Variants in SYNDIG1 observed in about 807,000 individuals in gnomAD.
SYNDIG1 encodes synapse differentiation inducing 1.
A neutral mutation model predicts 19.4 loss-of-function variants in SYNDIG1; 9 were observed. That is an observed-to-expected ratio of 0.46 (90% CI 0.28 to 0.81). SYNDIG1 has a LOEUF of 0.81. SYNDIG1 is among the 30% of genes least tolerant of loss of function. The pLI, the probability that SYNDIG1 is intolerant of heterozygous loss-of-function variation, is 0.12. For missense variants in SYNDIG1, 311 were observed against 343.3 expected, an observed-to-expected ratio of 0.91 and a Z score of 0.74; for synonymous variants, 141 against 145.9, an observed-to-expected ratio of 0.97 and a Z score of 0.24.
At chr20:24,611,140 C>A (rs992771994) in intron 3 of SYNDIG1, among the ~76,000 whole-genome samples, 1 of 152,116 alleles carries the variant, frequency 6.6e-6, no homozygotes, top group Non-Finnish European at 1.5e-5. Flanking sequence ...CCACGGCCCA[C>A]GGCTCCCTCC....
At chr20:24,590,852 C>T (rs2058498527) in intron 3 of SYNDIG1, among the ~76,000 whole-genome samples, 1 of 152,116 alleles carries the variant, frequency 6.6e-6, no homozygotes, top group African/African-American at 2.4e-5. Context: ...GAGCATTGAC[C>T]GCTGATGAGC....
chr20:24,661,109 G>A (rs1180351800), intron 3 of SYNDIG1, among the ~76,000 whole-genome samples: 3 of 152,206 alleles, frequency 2.0e-5, no homozygotes, highest in Non-Finnish European at 4.4e-5. Context: ...CAAACCATTT[G>A]TGGAGGCACA....
At chr20:24,515,725 G>C (rs1210336889) in intron 1 of SYNDIG1, among the ~76,000 whole-genome samples, 1 of 152,178 alleles carries the variant, frequency 6.6e-6, no homozygotes, top group Non-Finnish European at 1.5e-5. Context: ...CATGCTCATG[G>C]ATAGGAAGAA....
chr20:24,561,278 G>A (rs2057940599), intron 2 of SYNDIG1, among the ~76,000 whole-genome samples: 1 of 152,196 alleles, frequency 6.6e-6, no homozygotes, highest in East Asian at 1.9e-4. Flanking sequence ...CACTCAGGAT[G>A]TGAGGAGAGC....
intron 1 of SYNDIG1, among the ~76,000 whole-genome samples, chr20:24,481,769 C>T (rs2055803997): frequency 6.6e-6 from 1 of 152,104 alleles, no homozygotes; most frequent in African/African-American, 2.4e-5. Flanking sequence ...AATTAGTCAA[C>T]ATGGAGCACT....
chr20:24,546,989 A>G (rs2057590446), intron 2 of SYNDIG1, among the ~76,000 whole-genome samples: 1 of 152,172 alleles, frequency 6.6e-6, no homozygotes, highest in African/African-American at 2.4e-5. Context: ...TGCCGTTTTC[A>G]AAAAGCCATT....
chr20:24,528,427 T>C (rs2057172509), intron 1 of SYNDIG1, among the ~76,000 whole-genome samples: 1 of 152,216 alleles, frequency 6.6e-6, no homozygotes, highest in Non-Finnish European at 1.5e-5. Flanking sequence ...GTGTAATTTA[T>C]CAATAATAGA....
At chr20:24,477,689 CACTGCCCCTGGCTCCA>C (rs2055674322) in intron 1 of SYNDIG1, among the ~76,000 whole-genome samples, 1 of 152,200 alleles carries the variant, frequency 6.6e-6, no homozygotes, top group Non-Finnish European at 1.5e-5. Flanking sequence ...TACAGCACCC[CACTGCCCCTGGCTCCA>C]GTGTGTCCTG....
chr20:24,610,424 G>A lies in SYNDIG1; in HGVS notation c.618+25431G>A, dbSNP rs534454071. Among the ~76,000 whole-genome samples the A allele has an allele frequency of 2.7e-4, 41 of 152,328 alleles. 1 individual carries two copies. The South Asian group carries it at 8.3e-3, about 31-fold the overall frequency. ...GATCACCCGCCGTGGGCACTCGGAA[G>A]CATGTTTATGCATGTAGCTCTGCAC... On this transcript the variant is annotated intron_variant, in intron 3 of 3. Transcript: ENST00000376862.
chr20:24,652,840 G>A (rs1369474693), intron 3 of SYNDIG1, among the ~76,000 whole-genome samples: 1 of 152,212 alleles, frequency 6.6e-6, no homozygotes, highest in Non-Finnish European at 1.5e-5. Flanking sequence ...CCTTGCTCCT[G>A]GAGGGGAGCC....
intron 3 of SYNDIG1, among the ~76,000 whole-genome samples, chr20:24,622,045 A>C (rs973951837): frequency 1.8e-4 from 27 of 152,254 alleles, no homozygotes; most frequent in Non-Finnish European, 1.6e-4. Flanking sequence ...ATGAGACAAA[A>C]TAATCATCAG....
intron 3 of SYNDIG1, among the ~76,000 whole-genome samples, chr20:24,642,149 C>A (rs1165541925): frequency 6.6e-6 from 1 of 152,212 alleles, no homozygotes; most frequent in East Asian, 1.9e-4. Context: ...TTAAGTTCCT[C>A]TTGGCTGTGA....
chr20:24,659,000 C>T lies in SYNDIG1; in HGVS notation c.619-6346C>T, dbSNP rs1290015433. Among the ~76,000 whole-genome samples, 1 of 152,128 alleles carries T rather than the reference C, an allele frequency of 6.6e-6. No individual in the cohort carries two copies. The highest frequency in any genetic ancestry group is 1.9e-4 in the East Asian group (1 of 5,180). On this transcript the variant is annotated intron_variant, in intron 3 of 3. Coordinates refer to ENST00000376862, the MANE Select transcript of SYNDIG1 (RefSeq NM_024893.3). This position sits in a 1 kb window ranked among gnomAD's most constrained non-coding sequence, Gnocchi z 4.4. Reference sequence around the variant, plus strand: ...CACGGCTCTGATGTGGACCTTCCCTCCCCAGCTGCTGCCCGGTCTCCAACT... The same window carrying T: ...CACGGCTCTGATGTGGACCTTCCCTTCCCAGCTGCTGCCCGGTCTCCAACT...
intron 2 of SYNDIG1, among the ~76,000 whole-genome samples, chr20:24,579,247 A>C (rs1163009067): frequency 6.6e-6 from 1 of 152,156 alleles, no homozygotes; most frequent in African/African-American, 2.4e-5. Flanking sequence ...TCAATGGCAG[A>C]TGCTGGGCCC....
At chr20:24,546,296 A>G (rs2057575235) in intron 2 of SYNDIG1, among the ~76,000 whole-genome samples, 1 of 152,260 alleles carries the variant, frequency 6.6e-6, no homozygotes, top group Non-Finnish European at 1.5e-5. Flanking sequence ...TCCATTAAAT[A>G]ATAAAGGGTC....
chr20:24,626,733 G>A (rs6114808), intron 3 of SYNDIG1, among the ~76,000 whole-genome samples: 92 of 142,804 alleles, frequency 6.4e-4, no homozygotes, highest in South Asian at 1.9e-3. Context: ...GCGGCTGGGA[G>A]GTGGAGGTTG....
intron 2 of SYNDIG1, among the ~76,000 whole-genome samples, chr20:24,573,929 C>T (rs1456805468): frequency 6.6e-6 from 1 of 152,198 alleles, no homozygotes; most frequent in Non-Finnish European, 1.5e-5. Flanking sequence ...ACCCCTGGGC[C>T]TGAACTTTCT....
chr20:24,586,627 C>T (rs993238045), intron 3 of SYNDIG1, among the ~76,000 whole-genome samples: 7 of 152,204 alleles, frequency 4.6e-5, no homozygotes, highest in South Asian at 2.1e-4. Flanking sequence ...TGACATCAAA[C>T]GCACCCCCGA....
At chr20:24,585,043 G>C in intron 3 of SYNDIG1, 50 bp downstream of exon 3, 1 of 1,408,146 alleles carries the variant, frequency 7.1e-7, no homozygotes, top group Non-Finnish European at 9.7e-7. Flanking sequence ...TTCACAGGGT[G>C]GGGGTGGGGG....
Sources: allele counts gnomAD v4.1 joint callset (sites outside exome capture counted in the v4.1 genomes callset), GRCh38; gene constraint gnomAD v4.1.1; non-coding constraint Gnocchi (gnomAD v3.1); transcripts MANE v1.5; gene names NCBI Gene and HGNC (gene_info 2026-07-23, HGNC 2026-07-21).